The following KCNMA1 variants were observed in gnomAD, a reference collection of about 807,000 sequenced individuals.
The protein encoded by KCNMA1 is potassium calcium-activated channel subfamily M alpha 1.
Under a neutral mutation model 140.0 loss-of-function variants are expected in KCNMA1, and 29 were observed. The ratio of observed to expected loss-of-function variants is 0.21; its 90% confidence interval spans 0.15 to 0.28. The LOEUF (loss-of-function observed/expected upper bound fraction) is 0.28. Ranked by LOEUF, KCNMA1 falls within the 10% of genes least tolerant of loss-of-function variation. The probability of loss-of-function intolerance (pLI) is 1.00; values close to 1 mark genes in which losing one functional copy is unlikely to be tolerated. For missense variants in KCNMA1, 880 were observed against 1,602.2 expected, an observed-to-expected ratio of 0.55 and a Z score of 7.70; for synonymous variants, 612 against 611.9, an observed-to-expected ratio of 1.00 and a Z score of 0.00.
Position 77,025,259 on chromosome 10 carries a change from T to TATATAC in KCNMA1, c.1928+2563_1928+2564insGTATAT, listed in dbSNP as rs1275675122. On this transcript the variant is annotated intron_variant, in intron 16 of 27. Coordinates refer to ENST00000286628, the MANE Select transcript of KCNMA1 (RefSeq NM_001161352.2). ...GTGTGTGTGTATATATATATATATA[T>TATATAC]ATATATATATATATATATATATACA... Among the ~76,000 whole-genome samples the TATATAC allele has an allele frequency of 1.6e-4, 16 of 97,060 alleles. 1 individual carries two copies. Among genetic ancestry groups the TATATAC allele is most frequent in the Admixed American group, 1.4e-3 (15 of 10,434 alleles). 63.7% of individuals were successfully genotyped at this position (97,060 alleles called of 152,430 possible).
chr10:77,313,015 G>A (rs2079757935), intron 2 of KCNMA1, among the ~76,000 whole-genome samples: 1 of 152,146 alleles, frequency 6.6e-6, no homozygotes, highest in African/African-American at 2.4e-5. Flanking sequence ...GAAGTTCAGG[G>A]AGGAACAACA....
chr10:77,444,361 GAAGAA>G (rs2097479974), intron 1 of KCNMA1, among the ~76,000 whole-genome samples: 2 of 152,214 alleles, frequency 1.3e-5, no homozygotes, highest in Non-Finnish European at 2.9e-5. Context: ...CTCCAAGGAT[GAAGAA>G]AGGAGGAGGA....
At chr10:77,368,381 T>C (rs1057091565) in intron 2 of KCNMA1, among the ~76,000 whole-genome samples, 2 of 152,234 alleles carry the variant, frequency 1.3e-5, no homozygotes, top group African/African-American at 4.8e-5. Context: ...CATTTTCCAG[T>C]TGGGTAGCTT....
At chr10:76,934,759 T>C (rs2060116285) in intron 23 of KCNMA1, among the ~76,000 whole-genome samples, 1 of 152,182 alleles carries the variant, frequency 6.6e-6, no homozygotes, top group South Asian at 2.1e-4. Flanking sequence ...AGACTTCCTT[T>C]ACTTCTCTCT....
intron 1 of KCNMA1, among the ~76,000 whole-genome samples, chr10:77,433,160 A>G (rs2097187068): frequency 6.6e-6 from 1 of 151,982 alleles, no homozygotes; most frequent in African/African-American, 2.4e-5. Flanking sequence ...ATTTATTTTT[A>G]TTTTTATTTT....
At chr10:77,470,073 G>C (rs577405082) in intron 1 of KCNMA1, among the ~76,000 whole-genome samples, 1 of 152,030 alleles carries the variant, frequency 6.6e-6, no homozygotes, top group Non-Finnish European at 1.5e-5. Context: ...GGATGCGTCC[G>C]GCTGCCTTTG....
At chr10:77,010,412 C>T (rs917065354) in intron 18 of KCNMA1, among the ~76,000 whole-genome samples, 3 of 150,982 alleles carry the variant, frequency 2.0e-5, no homozygotes, top group Non-Finnish European at 4.4e-5. Flanking sequence ...CATTCTAGGC[C>T]TTGTTCTCTC....
intron 9 of KCNMA1, among the ~76,000 whole-genome samples, chr10:77,094,763 C>T (rs2096890171): frequency 6.6e-6 from 1 of 152,024 alleles, no homozygotes; most frequent in African/African-American, 2.4e-5. Context: ...TACAGTGGCT[C>T]AATCAGAGGT....
chr10:77,064,171 TGAAA>T, intron 14 of KCNMA1: 1 of 953,370 alleles, frequency 1.0e-6, no homozygotes, highest in Non-Finnish European at 1.2e-6. Context: ...AAATATTAGA[TGAAA>T]ATATAACATT....
intron 29 of KCNMA1, among the ~76,000 whole-genome samples, chr10:76,878,622 T>A (rs972052276): frequency 3.3e-5 from 5 of 152,226 alleles, no homozygotes; most frequent in African/African-American, 7.2e-5. Flanking sequence ...ATATCTTAAC[T>A]GACTATAATA....
intron 3 of KCNMA1, among the ~76,000 whole-genome samples, chr10:77,207,191 G>A (rs373268697): frequency 3.6e-4 from 54 of 151,992 alleles, no homozygotes; most frequent in African/African-American, 1.2e-3. Flanking sequence ...TTAATCTAAA[G>A]CTCTTCTGAT....
intron 2 of KCNMA1, among the ~76,000 whole-genome samples, chr10:77,395,029 A>G (rs1350023136): frequency 6.6e-6 from 1 of 152,180 alleles, no homozygotes; most frequent in African/African-American, 2.4e-5. Context: ...ATGTCACAAA[A>G]TACACTTATT....
At chr10:77,076,700 A>G (rs2096408755) in intron 13 of KCNMA1, among the ~76,000 whole-genome samples, 1 of 152,244 alleles carries the variant, frequency 6.6e-6, no homozygotes, top group Admixed American at 6.5e-5. Flanking sequence ...CGAGTACTAA[A>G]GAAGATAATG....
intron 22 of KCNMA1, among the ~76,000 whole-genome samples, chr10:76,945,817 A>C (rs12779465): frequency 0.74 from 112,340 of 151,212 alleles, 43,075 homozygotes; most frequent in African/African-American, 0.9. Context: ...AAAAAAAAAA[A>C]CCCACAAAAT....
chr10:77,438,420 G>A lies in KCNMA1; in HGVS notation c.379-34397C>T, dbSNP rs143481296. 5.0e-3 allele frequency among the ~76,000 whole-genome samples: 763 copies of A among 152,040 alleles called. 18 individuals carry two copies. The East Asian group carries it at 0.055, about 11-fold the overall frequency. On this transcript the variant is annotated intron_variant, in intron 1 of 27. Transcript: ENST00000286628. ...CTCTACTAAAAATACAAAATTAGCCGGGCGTGGTGGTGCATGCCTATAATC... is the reference window on the plus strand; with the variant it reads ...CTCTACTAAAAATACAAAATTAGCCAGGCGTGGTGGTGCATGCCTATAATC...
intron 5 of KCNMA1, among the ~76,000 whole-genome samples, chr10:77,174,834 G>A (rs1372134021): frequency 1.3e-5 from 2 of 152,166 alleles, no homozygotes; most frequent in Admixed American, 6.5e-5. Flanking sequence ...GTTAGGAGAT[G>A]CATACAAGTG....
chr10:77,414,545 G>A (rs971253787), intron 1 of KCNMA1, among the ~76,000 whole-genome samples: 4 of 152,036 alleles, frequency 2.6e-5, no homozygotes, highest in Non-Finnish European at 4.4e-5. Flanking sequence ...AGGATGGAGT[G>A]CAGTGATGCA....
At chr10:77,102,145 G>A (rs1295420439) in intron 9 of KCNMA1, among the ~76,000 whole-genome samples, 6 of 152,324 alleles carry the variant, frequency 3.9e-5, no homozygotes, top group African/African-American at 1.2e-4. Flanking sequence ...ATGTGGAATG[G>A]ATGGACATGA....
At chr10:76,903,956 TAAGA>T (rs2046697107) in intron 25 of KCNMA1, 1 of 152,144 alleles carries the variant, frequency 6.6e-6, no homozygotes, top group Non-Finnish European at 1.5e-5. Context: ...AAATATTATC[TAAGA>T]TGTGTGTTCA....
Sources: gnomAD v4.1 joint callset for allele counts (sites outside exome capture counted in the v4.1 genomes callset) on GRCh38, gnomAD v4.1.1 for gene constraint, MANE v1.5 for transcripts, NCBI Gene and HGNC (gene_info 2026-07-23, HGNC 2026-07-21) for gene names.